The following EYS variants were observed in gnomAD, a reference collection of about 807,000 sequenced individuals.
EYS encodes EGF-like photoreceptor maintenance factor, also known as protein eyes shut homolog.
A neutral mutation model predicts 282.1 loss-of-function variants in EYS; 250 were observed. That is an observed-to-expected ratio of 0.89 (90% CI 0.80 to 0.98). The LOEUF (loss-of-function observed/expected upper bound fraction) is 0.98. EYS is among the 50% of genes least tolerant of loss of function. The pLI is 0.00. For missense variants in EYS, 4,016 were observed against 3,709.0 expected (o/e 1.08, Z -2.15); for synonymous variants, 1,355 against 1,282.9 (o/e 1.06, Z -1.20).
At chr6:64,125,154 G>GCGCGCGCGCGCGCTC (rs1773724746) in intron 31 of EYS, among the ~76,000 whole-genome samples, 10 of 145,324 alleles carry the variant, frequency 6.9e-5, no homozygotes, top group African/African-American at 2.6e-4. Flanking sequence ...CACACTCTCT[G>GCGCGCGCGCGCGCTC]TCTCTCTCTC....
At chr6:64,662,379 A>G (rs935372426) in intron 22 of EYS, among the ~76,000 whole-genome samples, 6 of 152,190 alleles carry the variant, frequency 3.9e-5, no homozygotes, top group Admixed American at 2.6e-4. Flanking sequence ...AACTTAAAGT[A>G]TAATAAAAAA....
At chr6:64,166,633 CTG>C (rs1764299501) in intron 31 of EYS, among the ~76,000 whole-genome samples, 1 of 152,168 alleles carries the variant, frequency 6.6e-6, no homozygotes, top group Admixed American at 6.5e-5. Context: ...TCCAAATCAG[CTG>C]TGTGCAGGGC....
At chr6:65,170,374 C>T (rs1041992126) in intron 12 of EYS, among the ~76,000 whole-genome samples, 5 of 151,156 alleles carry the variant, frequency 3.3e-5, no homozygotes, top group Non-Finnish European at 5.9e-5. Context: ...ATTTTTGAGG[C>T]GAATATATTA....
At chr6:64,696,482 C>G (rs957133744) in intron 22 of EYS, among the ~76,000 whole-genome samples, 2 of 152,120 alleles carry the variant, frequency 1.3e-5, no homozygotes, top group African/African-American at 4.8e-5. Context: ...ATTTAGACAT[C>G]CAGATACAAG....
intron 1 of EYS, among the ~76,000 whole-genome samples, chr6:65,660,450 G>A (rs1040407813): frequency 4.5e-4 from 69 of 151,768 alleles, no homozygotes; most frequent in African/African-American, 1.6e-3. Context: ...GTGGAAAAGC[G>A]CTTCATGGCA....
rs556235575 is a variant in EYS at position 64,715,570 on chromosome 6, A to T, written c.3444-89325T>A. Among the ~76,000 whole-genome samples, 13 of 152,336 alleles carry T rather than the reference A, an allele frequency of 8.5e-5. No homozygotes were observed. In the South Asian group the frequency reaches 2.7e-3, roughly 32 times the overall value. On this transcript the variant is annotated intron_variant, in intron 22 of 42. Coordinates refer to ENST00000503581, the MANE Select transcript of EYS (RefSeq NM_001142800.2). ...TGGCTTATTCACAAATGGGCTGCAG[A>T]TCCATTCCTTCCAAGTTTGGGGGTT...
At chr6:63,953,906 C>T (rs1765704750) in intron 35 of EYS, among the ~76,000 whole-genome samples, 1 of 152,188 alleles carries the variant, frequency 6.6e-6, no homozygotes, top group South Asian at 2.1e-4. Context: ...TGTGTGGTGG[C>T]TGCCACTGCC....
chr6:64,685,843 C>A (rs886467579), intron 22 of EYS, among the ~76,000 whole-genome samples: 1 of 151,628 alleles, frequency 6.6e-6, no homozygotes, highest in Admixed American at 6.6e-5. Flanking sequence ...ATCAAAATAC[C>A]CTATCTTTTC....
At chr6:63,835,060 G>C (rs867776562) in intron 36 of EYS, among the ~76,000 whole-genome samples, 1 of 91,848 alleles carries the variant, frequency 1.1e-5, no homozygotes, top group African/African-American at 4.4e-5. Flanking sequence ...TGTAGGGTGG[G>C]GGGAGGGGGG....
intron 2 of EYS, among the ~76,000 whole-genome samples, chr6:65,559,391 A>C (rs1768943239): frequency 6.6e-6 from 1 of 152,020 alleles, no homozygotes; most frequent in South Asian, 2.1e-4. Flanking sequence ...AAAGAGAAAA[A>C]AAGAAAAGAA....
chr6:63,831,244 A>G (rs1398036672), intron 36 of EYS, among the ~76,000 whole-genome samples: 1 of 152,250 alleles, frequency 6.6e-6, no homozygotes, highest in African/African-American at 2.4e-5. Context: ...AATGGGCTAA[A>G]TGCCCCAATT....
intron 33 of EYS, among the ~76,000 whole-genome samples, chr6:64,034,149 G>C (rs1281531689): frequency 1.3e-5 from 2 of 152,134 alleles, no homozygotes; most frequent in Non-Finnish European, 2.9e-5. Flanking sequence ...GGTCCAGTAA[G>C]TGTTAGATTA....
At chr6:64,854,276 T>C (rs574835124) in intron 19 of EYS, among the ~76,000 whole-genome samples, 74 of 152,152 alleles carry the variant, frequency 4.9e-4, no homozygotes, top group Non-Finnish European at 9.6e-4. Context: ...TTATAAATCA[T>C]GCTGCTATAA....
At chr6:63,812,460 C>T (rs1219045103) in intron 36 of EYS, among the ~76,000 whole-genome samples, 1 of 152,116 alleles carries the variant, frequency 6.6e-6, no homozygotes, top group Non-Finnish European at 1.5e-5. Flanking sequence ...ACTCTCTAGT[C>T]TCTTAACCTG....
intron 28 of EYS, among the ~76,000 whole-genome samples, chr6:64,411,522 AT>A: frequency 6.6e-6 from 1 of 152,240 alleles, no homozygotes; most frequent in East Asian, 1.9e-4. Context: ...AGGCTCATAC[AT>A]TTATAAAAGT....
At chr6:64,175,038 A>C (rs1764586075) in intron 31 of EYS, among the ~76,000 whole-genome samples, 1 of 152,078 alleles carries the variant, frequency 6.6e-6, no homozygotes, top group Non-Finnish European at 1.5e-5. Context: ...TTTACACTGA[A>C]TCTTTAAGGT....
At chr6:65,668,629 T>A (rs1457272423) in intron 1 of EYS, among the ~76,000 whole-genome samples, 1 of 151,926 alleles carries the variant, frequency 6.6e-6, no homozygotes, top group Non-Finnish European at 1.5e-5. Flanking sequence ...AAAAACTATA[T>A]AAAATTCAAA....
At chr6:63,950,786 A>G in intron 35 of EYS, among the ~76,000 whole-genome samples, 1 of 150,478 alleles carries the variant, frequency 6.6e-6, no homozygotes, top group East Asian at 2.0e-4. Context: ...CTATCCCTCA[A>G]CCTCTTTCTC....
At chr6:65,289,361 T>A (rs1425566478) in intron 12 of EYS, among the ~76,000 whole-genome samples, 1 of 151,056 alleles carries the variant, frequency 6.6e-6, no homozygotes, top group East Asian at 1.9e-4. Context: ...TAAATAGATG[T>A]AAATGTTATA....
Sources: gnomAD v4.1 joint callset for allele counts (sites outside exome capture counted in the v4.1 genomes callset) on GRCh38, gnomAD v4.1.1 for gene constraint, MANE v1.5 for transcripts, NCBI Gene and HGNC (gene_info 2026-07-23, HGNC 2026-07-21) for gene names.